Variants in LRRFIP1 observed in about 807,000 individuals in gnomAD.
LRRFIP1 encodes LRR binding FLII interacting protein 1.
In LRRFIP1, 62 loss-of-function variants were observed where a neutral mutation model predicts 104.4. The ratio of observed to expected loss-of-function variants is 0.59; its 90% CI spans 0.48 to 0.73. The LOEUF is 0.73. LRRFIP1 is among the 30% of genes least tolerant of loss of function. The pLI, the probability that LRRFIP1 is intolerant of heterozygous loss-of-function variation, is 0.00. For synonymous variants in LRRFIP1, 300 were observed against 299.0 expected, an observed-to-expected ratio of 1.00 and a Z score of -0.03; for missense variants, 796 against 824.5, an observed-to-expected ratio of 0.97 and a Z score of 0.42.
chr2:237,770,058 C>G, intron 20 of LRRFIP1, 66 bp downstream of exon 20: 1 of 1,311,850 alleles, frequency 7.6e-7, no homozygotes. Context: ...GCCCATCCTT[C>G]CTTCTTGCTT....
intron 1 of LRRFIP1, among the ~76,000 whole-genome samples, chr2:237,654,233 A>C (rs114640278): frequency 0.014 from 2,107 of 152,348 alleles, 41 homozygotes; most frequent in African/African-American, 0.046. Flanking sequence ...AAGACATACA[A>C]ATGGCCAATA....
intron 11 of LRRFIP1, among the ~76,000 whole-genome samples, chr2:237,743,653 G>A (rs13431182): frequency 0.023 from 3,522 of 152,264 alleles, 148 homozygotes; most frequent in African/African-American, 0.079. Flanking sequence ...AAACAGGGCC[G>A]TTGTATGAGC....
At position 237,764,465 on chromosome 2, in the gene LRRFIP1, G is replaced by A. The variant is rs190825759; in HGVS notation, c.1459+4260G>A. 4.4e-4 allele frequency: 519 copies of A among 1,174,102 alleles called. 4 individuals are homozygous for A. The African/African-American group carries it at 7.7e-3, about 17-fold the overall frequency. 72.7% of individuals were successfully genotyped at this position (1,174,102 alleles called of 1,614,324 possible). A position where few individuals can be genotyped will look rare whatever the true frequency, so the allele number is the denominator to read the frequency against. On this transcript the variant is annotated intron_variant, in intron 19 of 23. Transcript: ENST00000308482. ...TTTACTATTTGCCTTAGGCTGATAG[G>A]AATGTGGGTTTTCTTGACCAAATAT...
At chr2:237,724,039 T>C (rs2094635628) in intron 7 of LRRFIP1, among the ~76,000 whole-genome samples, 2 of 149,232 alleles carry the variant, frequency 1.3e-5, no homozygotes, top group Non-Finnish European at 3.0e-5. Context: ...AAATTAAATG[T>C]ACAATCTGAC....
intron 1 of LRRFIP1, among the ~76,000 whole-genome samples, chr2:237,632,847 T>A (rs6712324): frequency 6.6e-6 from 1 of 152,034 alleles, no homozygotes; most frequent in Non-Finnish European, 1.5e-5. Flanking sequence ...CCTTGCCCTC[T>A]GGTGAGGTGA....
chr2:237,649,136 G>A lies in LRRFIP1; in HGVS notation c.96+21396G>A, dbSNP rs62183618. Among the ~76,000 whole-genome samples, 45 of 151,722 alleles carry A rather than the reference G, an allele frequency of 3.0e-4. 1 individual carries two copies. The highest frequency in any genetic ancestry group is 4.9e-4 in the Non-Finnish European group (33 of 67,790). On this transcript the variant is annotated intron_variant, in intron 1 of 23. Transcript: ENST00000308482. The surrounding 1 kb of genome is among the most constrained non-coding windows in gnomAD (Gnocchi z 4.1). The stretch of plus-strand genomic sequence containing the variant: ...GTGCTGGGCCATGGTTTGGAAGCTC[G>A]CATGGTCCCAGCCTCAGAGCCCCGT...
chr2:237,731,135 C>G (rs2094987503), intron 8 of LRRFIP1, among the ~76,000 whole-genome samples: 4 of 152,180 alleles, frequency 2.6e-5, no homozygotes, highest in Non-Finnish European at 5.9e-5. Flanking sequence ...GTAGCAGCTC[C>G]CACGCTGAAA....
At position 237,668,764 on chromosome 2, in the gene LRRFIP1, CAGCAACA is replaced by C. The variant is rs1342788233; in HGVS notation, c.97-39777_97-39771del. The stretch of plus-strand genomic sequence containing the variant: ...CTTTCTGTTGAATAAATGAAGAAAT[CAGCAACA>C]AGGGTAATTGTTGCTGAAAGAAAAT... On this transcript the variant is annotated intron_variant, in intron 1 of 23. Coordinates refer to ENST00000308482, the MANE Select transcript of LRRFIP1 (RefSeq NM_001137550.2). Among the ~76,000 whole-genome samples the C allele has an allele frequency of 2.6e-5, 4 of 152,210 alleles. No individual in the cohort carries two copies. The East Asian group carries it at 7.7e-4, about 29-fold the overall frequency.
chr2:237,657,078 G>A (rs531953599), intron 1 of LRRFIP1, among the ~76,000 whole-genome samples: 17 of 152,280 alleles, frequency 1.1e-4, no homozygotes, highest in African/African-American at 3.1e-4. Flanking sequence ...AAAGGCTGGC[G>A]GTGGTAGGGG....
Position 237,739,218 on chromosome 2 carries a change from G to A in LRRFIP1, c.556-14G>A, listed in dbSNP as rs369158074. The A allele has an allele frequency of 4.9e-5, 76 of 1,554,534 alleles. No homozygotes were observed. The African/African-American group carries it at 9.7e-4, about 20-fold the overall frequency. ...GTTTCTGGCTGCGTGTCCTGGCGGT[G>A]GCTGTGTGGGCAGCCCTCGGAGTAC... On this transcript the variant is annotated splice_polypyrimidine_tract_variant and intron_variant, in intron 10 of 23. Coordinates refer to ENST00000308482, the MANE Select transcript of LRRFIP1 (RefSeq NM_001137550.2).
intron 11 of LRRFIP1, among the ~76,000 whole-genome samples, chr2:237,747,584 G>T (rs563162280): frequency 6.6e-6 from 1 of 152,166 alleles, no homozygotes; most frequent in East Asian, 1.9e-4. Flanking sequence ...TTATCTCTGT[G>T]TGAGCTCACA....
chr2:237,768,350 C>T (rs1297242627), intron 19 of LRRFIP1: 1 of 152,188 alleles, frequency 6.6e-6, no homozygotes, highest in Non-Finnish European at 1.5e-5. Context: ...CATTTTAACA[C>T]TTATTTTCTA....
At chr2:237,775,548 C>T (rs115384048) in intron 23 of LRRFIP1, among the ~76,000 whole-genome samples, 453 of 152,278 alleles carry the variant, frequency 3.0e-3, no homozygotes, top group Admixed American at 8.2e-3. Context: ...TAGGATCACT[C>T]GGGCCGGGCG....
Position 237,665,914 on chromosome 2 carries a change from C to T in LRRFIP1, c.96+38174C>T, listed in dbSNP as rs114473110. Among the ~76,000 whole-genome samples, 970 of 152,316 alleles carry T rather than the reference C, an allele frequency of 6.4e-3. 9 individuals carry two copies. Among genetic ancestry groups the T allele is most frequent in the African/African-American group, 0.022 (896 of 41,562 alleles). On this transcript the variant is annotated intron_variant, in intron 1 of 23. Coordinates refer to ENST00000308482, the MANE Select transcript of LRRFIP1 (RefSeq NM_001137550.2). Reference sequence around the variant, plus strand: ...TGAATAGTAAATGCTGTTTCCATGGCAACTGCAGTCTGGCTTCAGTGATCC... The same window carrying T: ...TGAATAGTAAATGCTGTTTCCATGGTAACTGCAGTCTGGCTTCAGTGATCC...
rs2085368046 is a variant in LRRFIP1, at chr2:237,648,604, G to T, written c.96+20864G>T. Among the ~76,000 whole-genome samples the T allele has an allele frequency of 2.6e-5, 4 of 151,454 alleles. No homozygotes were observed. The South Asian group carries it at 8.3e-4, about 31-fold the overall frequency. ...AAGATACCGCAGTTCACGCAGTTCA[G>T]GTATTTGTTCCGTGAACTTGGGGGA... On this transcript the variant is annotated intron_variant, in intron 1 of 23. Coordinates refer to ENST00000308482, the MANE Select transcript of LRRFIP1 (RefSeq NM_001137550.2).
chr2:237,670,992 G>A (rs571473733), intron 1 of LRRFIP1, among the ~76,000 whole-genome samples: 3 of 152,324 alleles, frequency 2.0e-5, no homozygotes, highest in Admixed American at 1.3e-4. Context: ...TAACAGCTGT[G>A]TGGGGCAGCC....
intron 4 of LRRFIP1, 81 bp from the exon 5 acceptor site, chr2:237,719,442 T>A: frequency 2.3e-6 from 2 of 884,188 alleles, no homozygotes; most frequent in Non-Finnish European, 3.8e-6. Context: ...TATGGTGCAG[T>A]GGGACTACCT....
At chr2:237,656,156 G>A (rs2086788643) in intron 1 of LRRFIP1, among the ~76,000 whole-genome samples, 1 of 152,084 alleles carries the variant, frequency 6.6e-6, no homozygotes, top group Admixed American at 6.5e-5. Context: ...ATGTAAGGTG[G>A]CAATGCATAT....
In LRRFIP1 at chr2:237,735,368, T is replaced by C; in HGVS notation, c.555+35T>C. On this transcript the variant is annotated intron_variant, in intron 10 of 23. Coordinates refer to ENST00000308482, the MANE Select transcript of LRRFIP1 (RefSeq NM_001137550.2). This position sits in a 1 kb window ranked among gnomAD's most constrained non-coding sequence, Gnocchi z 4.6. Reference sequence around the variant, plus strand: ...TTTCGGTGATACCTCCTTTCCCCCGTGCCTGCTGCATGGCCTGGGGATGCT... The same window carrying C: ...TTTCGGTGATACCTCCTTTCCCCCGCGCCTGCTGCATGGCCTGGGGATGCT... 1.2e-6 allele frequency: 2 copies of C among 1,600,078 alleles called. No homozygotes were observed. Among genetic ancestry groups the C allele is most frequent in the Non-Finnish European group, 8.5e-7 (1 of 1,172,822 alleles).
Sources: gnomAD v4.1 joint callset for allele counts (sites outside exome capture counted in the v4.1 genomes callset) on GRCh38, gnomAD v4.1.1 for gene constraint, Gnocchi (gnomAD v3.1) non-coding constraint, MANE v1.5 for transcripts, NCBI Gene and HGNC (gene_info 2026-07-23, HGNC 2026-07-21) for gene names.